The following UBXN6 variants were observed in gnomAD, a reference collection of about 807,000 sequenced individuals.
The protein encoded by UBXN6 is UBX domain-containing protein 6.
In UBXN6, 44 loss-of-function variants were observed where a neutral mutation model predicts 51.4. That is an observed-to-expected ratio of 0.86 (90% CI 0.67 to 1.10). UBXN6 has a LOEUF of 1.10. Among genes scored for constraint, UBXN6 ranks in the 50% least tolerant of loss-of-function variants. UBXN6 has a pLI of 0.00. For synonymous variants in UBXN6, 316 were observed against 263.2 expected, an observed-to-expected ratio of 1.20 and a Z score of -1.94; for missense variants, 672 against 596.1, an observed-to-expected ratio of 1.13 and a Z score of -1.32.
At chr19:4,447,105 T>C (rs1599674429) in intron 6 of UBXN6, 185 bp from the exon 7 acceptor site, 1 of 620,640 alleles carries the variant, frequency 1.6e-6, no homozygotes, top group Non-Finnish European at 2.8e-6. Context: ...GGCTGTGGAG[T>C]CTCCAACAGC....
intron 6 of UBXN6, 48 bp from the exon 7 acceptor site, chr19:4,446,968 G>A: frequency 6.3e-7 from 1 of 1,579,730 alleles, no homozygotes; most frequent in Non-Finnish European, 8.7e-7. Flanking sequence ...TTCCTCCATG[G>A]CCTGGCCACA....
intron 10 of UBXN6, 82 bp from the exon 11 acceptor site, chr19:4,445,705 G>A (rs1000484037): frequency 1.3e-5 from 20 of 1,557,564 alleles, no homozygotes; most frequent in East Asian, 2.3e-5. Context: ...ACCTGGGCGC[G>A]GGGATGCCCC....
rs1974536950 is a variant in UBXN6 at position 4,446,721 on chromosome 19, T to C, written c.701-2A>G. On this transcript the variant is annotated splice_acceptor_variant, in intron 7 of 10. Transcript: ENST00000301281. LOFTEE classifies it high-confidence loss of function. ...GCACGTAGAACTCCTCGGGGTCCTC[T>C]ACAGCGTGGCAGGACATGGGTGTCA... is the stretch of plus-strand genomic sequence containing the variant. 6.2e-7 allele frequency: 1 copy of C among 1,608,604 alleles called. No individual in the cohort carries two copies. The highest frequency in any genetic ancestry group is 1.3e-5 in the African/African-American group (1 of 74,932).
rs751965942 is a variant in UBXN6, at chr19:4,446,367, G to A, written c.967C>T (p.Arg323Trp). 36 of 1,572,714 alleles carry A rather than the reference G, an allele frequency of 2.3e-5. No homozygotes were observed. The highest frequency in any genetic ancestry group is 1.3e-4 in the Admixed American group (7 of 55,370). ...RLSVLRTKAMREKEEQRGLRK... is the reference protein window; with the variant it reads ...RLSVLRTKAMWEKEEQRGLRK... The stretch of plus-strand genomic sequence containing the variant: ...AGCCCCCGCTGCTCCTCCTTCTCCC[G>A]CATGGCCTTGGTCCGCAGCACGCTC... Residue 323 changes from arginine to tryptophan, a missense_variant, in exon 9 of 11, where the codon CGG becomes TGG. Coordinates refer to ENST00000301281, the MANE Select transcript of UBXN6 (RefSeq NM_025241.3).
intron 5 of UBXN6, 123 bp from the exon 6 acceptor site, chr19:4,447,748 G>A: frequency 1.0e-6 from 1 of 955,572 alleles, no homozygotes; most frequent in African/African-American, 1.6e-5. Flanking sequence ...GGAAGAAGCG[G>A]CCCAGTGACG....
At chr19:4,452,313 C>G in intron 4 of UBXN6, 51 bp downstream of exon 4, 1 of 1,597,304 alleles carries the variant, frequency 6.3e-7, no homozygotes, top group Non-Finnish European at 8.6e-7. Context: ...GAGGGTGGCT[C>G]AGGCACAGGA....
At chr19:4,449,115 A>G (rs1015922136) in intron 4 of UBXN6, 2 of 153,772 alleles carry the variant, frequency 1.3e-5, no homozygotes, top group African/African-American at 4.8e-5. Flanking sequence ...AGAGGCTGAG[A>G]ACAGTACGTA....
chr19:4,453,859 TCCAGGGCCAGGCA>T (rs144275315), intron 2 of UBXN6, 58 bp downstream of exon 2: 472,461 of 1,564,606 alleles, frequency 0.3, 75,481 homozygotes, highest in East Asian at 0.61. Flanking sequence ...GACTTCTGCA[TCCAGGGCCAGGCA>T]CCAGGGCCGA....
intron 4 of UBXN6, 196 bp from the exon 5 acceptor site, chr19:4,448,611 G>C: frequency 1.7e-6 from 1 of 598,312 alleles, no homozygotes. Flanking sequence ...CAGAGGCGAC[G>C]CAGCCAAGAC....
intron 2 of UBXN6, 117 bp from the exon 3 acceptor site, chr19:4,453,639 G>T: frequency 7.8e-7 from 1 of 1,280,010 alleles, no homozygotes; most frequent in Non-Finnish European, 1.1e-6. Flanking sequence ...GCCCCAGCCT[G>T]CTTCTGCTGG....
In UBXN6 at chr19:4,452,555, C is replaced by T. The variant is rs1974672464; in HGVS notation, c.313-63G>A. 5.2e-6 allele frequency: 8 copies of T among 1,547,486 alleles called. No homozygotes were observed. The Admixed American group carries it at 1.4e-4, about 26-fold the overall frequency. Reference sequence around the variant, plus strand: ...AGAGGCCACCCCGACCCTCGCCGAGCACCACAGTCCTGAGTGTGGCCCGTA... The same window carrying T: ...AGAGGCCACCCCGACCCTCGCCGAGTACCACAGTCCTGAGTGTGGCCCGTA... On this transcript the variant is annotated intron_variant, in intron 3 of 10. Coordinates refer to ENST00000301281, the MANE Select transcript of UBXN6 (RefSeq NM_025241.3).
intron 8 of UBXN6, 38 bp downstream of exon 8, chr19:4,446,462 C>G (rs753140624): frequency 1.4e-5 from 22 of 1,584,162 alleles, no homozygotes; most frequent in Non-Finnish European, 1.8e-5. Flanking sequence ...TCTTCCACCC[C>G]GCCCCGCCCC....
At chr19:4,450,899 C>T (rs886908712) in intron 4 of UBXN6, 1 of 151,684 alleles carries the variant, frequency 6.6e-6, no homozygotes, top group Non-Finnish European at 1.5e-5. Context: ...CAAATTAACT[C>T]TATCCTGAGA....
chr19:4,453,816 G>A, intron 2 of UBXN6, 114 bp downstream of exon 2: 1 of 1,465,146 alleles, frequency 6.8e-7, no homozygotes, highest in Non-Finnish European at 9.2e-7. Flanking sequence ...CCGCTCCCAA[G>A]GGTGACCCTC....
intron 3 of UBXN6, among the ~76,000 whole-genome samples, chr19:4,453,027 T>C (rs1290103983): frequency 6.6e-6 from 1 of 152,220 alleles, no homozygotes; most frequent in Admixed American, 6.5e-5. Context: ...ACAGAGCCTC[T>C]TGACCTCCAA....
intron 4 of UBXN6, 139 bp downstream of exon 4, chr19:4,452,225 T>C (rs1210135811): frequency 8.3e-7 from 1 of 1,200,114 alleles, no homozygotes; most frequent in Non-Finnish European, 1.1e-6. Flanking sequence ...GGATTTGGGG[T>C]ATCAGAGGAG....
In UBXN6 at chr19:4,446,029, T is replaced by G. The variant is rs757115612; in HGVS notation, c.1200+20A>C. ...TGCAGAGGCATCGGGTCAGCGGTGCTCCTGCGGGCCGACACTCACCAGCCC... is the reference window on the plus strand; with the variant it reads ...TGCAGAGGCATCGGGTCAGCGGTGCGCCTGCGGGCCGACACTCACCAGCCC... On this transcript the variant is annotated intron_variant, in intron 10 of 10. Transcript: ENST00000301281. The G allele has an allele frequency of 6.3e-7, 1 of 1,598,718 alleles. No homozygotes were observed. The highest frequency in any genetic ancestry group is 8.5e-7 in the Non-Finnish European group (1 of 1,172,248).
chr19:4,446,597 G>C lies in UBXN6; in HGVS notation c.823C>G (p.Arg275Gly), dbSNP rs534985329. 6.2e-7 allele frequency: 1 copy of C among 1,612,620 alleles called. No individual in the cohort carries two copies. The highest frequency in any genetic ancestry group is 8.5e-7 in the Non-Finnish European group (1 of 1,179,902). Residue 275 changes from arginine to glycine, a missense_variant, in exon 8 of 11, where the codon CGC becomes GGC. Transcript: ENST00000301281. ...PVRAKLDRQRRVFQPSPLASQ... is the reference protein window; with the variant it reads ...PVRAKLDRQRGVFQPSPLASQ... Reference sequence around the variant, plus strand: ...GCCAGGGGCGAGGGCTGGAAGACGCGGCGCTGCCTGTCCAGCTTGGCGCGC... The same window carrying C: ...GCCAGGGGCGAGGGCTGGAAGACGCCGCGCTGCCTGTCCAGCTTGGCGCGC...
chr19:4,453,636 C>CAGAAGCAGGCTGGGG, intron 2 of UBXN6, 114 bp from the exon 3 acceptor site: 1 of 1,309,512 alleles, frequency 7.6e-7, no homozygotes, highest in Non-Finnish European at 1.1e-6. Context: ...ACCGCCCCAG[C>CAGAAGCAGGCTGGGG]CTGCTTCTGC....
Sources: gnomAD v4.1 joint callset for allele counts (sites outside exome capture counted in the v4.1 genomes callset) on GRCh38, gnomAD v4.1.1 for gene constraint, MANE v1.5 for transcripts, NCBI Gene and HGNC (gene_info 2026-07-23, HGNC 2026-07-21) for gene names.